The following KLHL25 variants were observed in gnomAD, a reference collection of about 807,000 sequenced individuals.
KLHL25 encodes kelch-like protein 25.
Under a neutral mutation model 30.0 loss-of-function variants are expected in KLHL25, and 41 were observed. The ratio of observed to expected loss-of-function variants is 1.37; its 90% CI spans 1.07 to 1.78. KLHL25 has a LOEUF of 1.78. KLHL25 is among the 40% of genes most tolerant of loss of function. The pLI is 0.00. For synonymous variants in KLHL25, 399 were observed against 355.3 expected (o/e 1.12, Z -1.38); for missense variants, 971 against 824.5 (o/e 1.18, Z -2.18).
rs775447675 is a variant in KLHL25 at position 85,768,631 on chromosome 15, C to G, written c.1180G>C (p.Gly394Arg). The G allele has an allele frequency of 1.2e-6, 2 of 1,612,728 alleles. No individual in the cohort carries two copies. The highest frequency in any genetic ancestry group is 1.7e-5 in the Admixed American group (1 of 59,972). ...AELENCLYVVGGHTSLAGVFP... is the reference protein window; with the variant it reads ...AELENCLYVVRGHTSLAGVFP... ...ACCCCTGCCAGGGATGTGTGTCCCC[C>G]CACCACATAGAGGCAGTTCTCCAGC... Residue 394 changes from glycine (G) to arginine (R), a missense_variant, in exon 2 of 3, where the codon GGG (glycine) becomes CGG (arginine). Gly to Arg is a moderately radical substitution (Grantham distance 125, BLOSUM62 -2). Transcript: ENST00000337975.
In KLHL25 at chr15:85,776,032, G is replaced by A. The variant is rs866470830; in HGVS notation, c.-10-6212C>T. ...ACTAAAAATACAAAAAATTACCCGG[G>A]CATGTTGGCGTGTGCCTGTAGTCCC... On this transcript the variant is annotated intron_variant, in intron 1 of 2. Coordinates refer to ENST00000337975, the MANE Select transcript of KLHL25 (RefSeq NM_022480.4). Among the ~76,000 whole-genome samples the A allele has an allele frequency of 3.0e-4, 45 of 151,236 alleles. No individual in the cohort carries two copies. In the Middle Eastern group the frequency reaches 0.014, roughly 48 times the overall value.
intron 1 of KLHL25, among the ~76,000 whole-genome samples, chr15:85,784,547 T>TAA (rs58604665): frequency 0.2 from 27,988 of 141,350 alleles, 2,722 homozygotes; most frequent in Middle Eastern, 0.3. Flanking sequence ...AATAAAAAAA[T>TAA]AAAAAAAAAA....
rs1480117146 is a variant in KLHL25, at chr15:85,794,896, A to T, written c.-141T>A. The T allele has an allele frequency of 6.6e-6, 1 of 152,226 alleles. No homozygotes were observed. Among genetic ancestry groups the T allele is most frequent in the Non-Finnish European group, 1.5e-5 (1 of 68,066 alleles). 9.4% of individuals were successfully genotyped at this position (152,226 alleles called of 1,614,324 possible). A position where few individuals can be genotyped will look rare whatever the true frequency, so the allele number is the denominator to read the frequency against. On this transcript the variant is annotated 5_prime_UTR_variant, in exon 1 of 3. Transcript: ENST00000337975. ...GGCAAAAACGCTCTCGCTGCGATACAGCCTAGGCGCCGCCAACAAACTAGT... is the reference window on the plus strand; with the variant it reads ...GGCAAAAACGCTCTCGCTGCGATACTGCCTAGGCGCCGCCAACAAACTAGT...
In KLHL25 at chr15:85,769,531, G is replaced by A. The variant is rs935385505; in HGVS notation, c.280C>T (p.His94Tyr). 6.2e-7 allele frequency: 1 copy of A among 1,613,928 alleles called. No individual in the cohort carries two copies. Among genetic ancestry groups the A allele is most frequent in the African/African-American group, 1.3e-5 (1 of 75,070 alleles). Residue 94 changes from histidine to tyrosine, a missense_variant, in exon 2 of 3, where the codon CAC (histidine) becomes TAC (tyrosine). Coordinates refer to ENST00000337975, the MANE Select transcript of KLHL25 (RefSeq NM_022480.4). ...AGCAGCAGCTCCAGCACCTCCGGGTGCAGGTTGTCCTGGAAGTTGACAGTG... is the reference window on the plus strand; with the variant it reads ...AGCAGCAGCTCCAGCACCTCCGGGTACAGGTTGTCCTGGAAGTTGACAGTG... ...DDTVNFQDNL[H>Y]PEVLELLLDF...
intron 2 of KLHL25, among the ~76,000 whole-genome samples, chr15:85,765,633 AAAG>A (rs756153246): frequency 0.079 from 10,064 of 127,806 alleles, 624 homozygotes; most frequent in East Asian, 0.2. Flanking sequence ...AAAAAAAAAA[AAAG>A]AAGAAGAAGA....
At chr15:85,769,925 T>A (rs2089659828) in intron 1 of KLHL25, 105 bp from the exon 2 acceptor site, 1 of 894,230 alleles carries the variant, frequency 1.1e-6, no homozygotes, top group African/African-American at 1.7e-5. Flanking sequence ...CCACCCACTC[T>A]CTGCTCACCT....
At chr15:85,770,169 G>C (rs2089661665) in intron 1 of KLHL25, among the ~76,000 whole-genome samples, 1 of 152,194 alleles carries the variant, frequency 6.6e-6, no homozygotes. Flanking sequence ...CTGGTGTCCG[G>C]GCAGTGCTAA....
intron 1 of KLHL25, 110 bp from the exon 2 acceptor site, chr15:85,769,930 T>C (rs1294156627): frequency 1.3e-5 from 12 of 897,668 alleles, no homozygotes; most frequent in Non-Finnish European, 2.0e-5. Flanking sequence ...CACTCTCTGC[T>C]CACCTCTGCT....
intron 1 of KLHL25, among the ~76,000 whole-genome samples, chr15:85,778,953 A>ACTGAGTC (rs1040997343): frequency 1.3e-5 from 2 of 152,068 alleles, no homozygotes; most frequent in African/African-American, 4.8e-5. Flanking sequence ...GGGAATCAGG[A>ACTGAGTC]CTGAGAAAGT....
rs201985058 is a variant in KLHL25, at chr15:85,769,385, C to T, written c.426G>A (p.Lys142=). 6.2e-7 allele frequency: 1 copy of T among 1,614,158 alleles called. No individual in the cohort carries two copies. The change falls in exon 2 of 3, where the codon AAG becomes AAA. Residue 142 remains lysine (K), a synonymous_variant. Coordinates refer to ENST00000337975, the MANE Select transcript of KLHL25 (RefSeq NM_022480.4). ...VRDAAAEFLE[K]NLFPSNCLGM... is the part of the protein sequence containing the mutation. ...CCAGGCAGTTGGAGGGGAAAAGGTTCTTCTCCAGGAACTCGGCGGCAGCAT... is the reference window on the plus strand; with the variant it reads ...CCAGGCAGTTGGAGGGGAAAAGGTTTTTCTCCAGGAACTCGGCGGCAGCAT...
intron 1 of KLHL25, among the ~76,000 whole-genome samples, chr15:85,782,173 T>A (rs1323211036): frequency 6.6e-6 from 1 of 152,210 alleles, no homozygotes; most frequent in African/African-American, 2.4e-5. Context: ...TGAAATTACA[T>A]ATGTACGTTT....
chr15:85,772,551 C>G (rs1289191537), intron 1 of KLHL25, among the ~76,000 whole-genome samples: 1 of 152,200 alleles, frequency 6.6e-6, no homozygotes, highest in Non-Finnish European at 1.5e-5. Flanking sequence ...TAACTACGGC[C>G]CTGGAACCAA....
At position 85,790,757 on chromosome 15, in the gene KLHL25, G is replaced by A. The variant is rs189506692; in HGVS notation, c.-11+4009C>T. The stretch of plus-strand genomic sequence containing the variant: ...CGCTGAAACAAGAAGTGGCCCAGGT[G>A]AGCCTCATACAGACTCTGTACCCAA... On this transcript the variant is annotated intron_variant, in intron 1 of 2. Coordinates refer to ENST00000337975, the MANE Select transcript of KLHL25 (RefSeq NM_022480.4). Among the ~76,000 whole-genome samples, 564 of 152,240 alleles carry A rather than the reference G, an allele frequency of 3.7e-3. 7 individuals are homozygous for A. The highest frequency in any genetic ancestry group is 1.7e-3 in the Non-Finnish European group (116 of 68,022).
chr15:85,761,786 G>T (rs1043361593), intron 2 of KLHL25: 2 of 152,268 alleles, frequency 1.3e-5, no homozygotes, highest in Admixed American at 1.3e-4. Flanking sequence ...CACTCCATAA[G>T]GCAAGGAGCC....
intron 1 of KLHL25, among the ~76,000 whole-genome samples, chr15:85,779,966 T>C (rs944521613): frequency 6.6e-6 from 1 of 152,368 alleles, no homozygotes; most frequent in African/African-American, 2.4e-5. Flanking sequence ...TTTTATGTCA[T>C]ACCGTCCTAA....
At chr15:85,770,902 C>G (rs2089666603) in intron 1 of KLHL25, 3 of 296,952 alleles carry the variant, frequency 1.0e-5, no homozygotes, top group Admixed American at 4.8e-5. Flanking sequence ...TCATTAATGT[C>G]CAGTGAATGG....
intron 1 of KLHL25, chr15:85,771,186 A>T (rs2089668815): frequency 6.5e-6 from 1 of 154,006 alleles, no homozygotes; most frequent in Admixed American, 6.7e-5. Flanking sequence ...AAGAAAAATA[A>T]AGTGAATTAA....
At chr15:85,770,879 T>A in intron 1 of KLHL25, 1 of 314,554 alleles carries the variant, frequency 3.2e-6, no homozygotes, top group South Asian at 2.6e-5. Context: ...TCTAGGGGAA[T>A]TCTAAAGCAC....
chr15:85,774,403 C>T (rs1169488762), intron 1 of KLHL25, among the ~76,000 whole-genome samples: 3 of 152,146 alleles, frequency 2.0e-5, no homozygotes, highest in South Asian at 2.1e-4. Context: ...TAAAATGTAC[C>T]GGGTAACAAT....
Sources: gnomAD v4.1 joint callset for allele counts (sites outside exome capture counted in the v4.1 genomes callset) on GRCh38, gnomAD v4.1.1 for gene constraint, MANE v1.5 for transcripts, NCBI Gene and HGNC (gene_info 2026-07-23, HGNC 2026-07-21) for gene names.